DDX19A: variants seen among roughly 807,000 people sequenced by gnomAD.
DDX19A encodes DEAD-box helicase 19A, also known as ATP-dependent RNA helicase DDX19A.
In DDX19A, 12 loss-of-function variants were observed where a neutral mutation model predicts 60.6. The ratio of observed to expected loss-of-function variants is 0.20; its 90% CI spans 0.13 to 0.32. The LOEUF (loss-of-function observed/expected upper bound fraction) is 0.32. Ranked by LOEUF, DDX19A falls within the 10% of genes least tolerant of loss-of-function variation. The pLI is 1.00. For synonymous variants in DDX19A, 206 were observed against 218.2 expected, an observed-to-expected ratio of 0.94 and a Z score of 0.49; for missense variants, 337 against 600.6, an observed-to-expected ratio of 0.56 and a Z score of 4.59.
At chr16:70,371,138 C>G (rs1341932855) in intron 10 of DDX19A, 2 of 694,872 alleles carry the variant, frequency 2.9e-6, no homozygotes, top group Admixed American at 2.9e-5. Flanking sequence ...CATTGTGTCT[C>G]CCAGAGGATT....
At chr16:70,367,282 G>A (rs1372016060) in intron 9 of DDX19A, among the ~76,000 whole-genome samples, 1 of 151,958 alleles carries the variant, frequency 6.6e-6, no homozygotes, top group Admixed American at 6.6e-5. Context: ...CAAAAAATTA[G>A]CGCGGCGTGG....
intron 2 of DDX19A, among the ~76,000 whole-genome samples, chr16:70,350,813 G>A (rs1386176659): frequency 1.3e-5 from 2 of 151,944 alleles, no homozygotes; most frequent in East Asian, 3.8e-4. Context: ...CTATTGGATT[G>A]TACTGCTACT....
Position 70,366,677 on chromosome 16 carries a change from C to G in DDX19A, c.836C>G (p.Ser279Cys), listed in dbSNP as rs752865075. 2.5e-6 allele frequency: 4 copies of G among 1,614,236 alleles called. No homozygotes were observed. The highest frequency in any genetic ancestry group is 2.5e-6 in the Non-Finnish European group (3 of 1,180,052). The stretch of plus-strand genomic sequence containing the variant: ...CTTTTCTCCGCCACCTTTGAAGACT[C>G]TGTGTGGAAGTTTGCCCAGAAAGTG... ...MLLFSATFED[S>C]VWKFAQKVVP... The change falls in exon 9 of 12, where the codon TCT becomes TGT. Residue 279 changes from serine (S) to cysteine (C), a missense_variant. Ser to Cys is a moderately radical substitution (Grantham distance 112). This residue lies in a region of DDX19A where 117 missense variants were observed against 274.3 expected (regional missense o/e 0.43). Transcript: ENST00000302243.
At chr16:70,370,455 C>A in intron 10 of DDX19A, 70 bp downstream of exon 10, 3 of 1,566,342 alleles carry the variant, frequency 1.9e-6, no homozygotes, top group Non-Finnish European at 2.6e-6. Context: ...GCCAGAAATC[C>A]TTGTATACAG....
chr16:70,367,581 T>C (rs1182063301), intron 9 of DDX19A, among the ~76,000 whole-genome samples: 1 of 150,682 alleles, frequency 6.6e-6, no homozygotes, highest in Non-Finnish European at 1.5e-5. Context: ...AAAATGATTT[T>C]AGAATAAAAG....
At chr16:70,362,148 C>G (rs1964380343) in intron 5 of DDX19A, among the ~76,000 whole-genome samples, 1 of 149,016 alleles carries the variant, frequency 6.7e-6, no homozygotes, top group African/African-American at 2.5e-5. Context: ...GTACTCTAGC[C>G]TGGTGACAGC....
chr16:70,369,020 A>G (rs1182981134), intron 9 of DDX19A, among the ~76,000 whole-genome samples: 1 of 150,730 alleles, frequency 6.6e-6, no homozygotes, highest in East Asian at 2.0e-4. Flanking sequence ...GGCATGTGCC[A>G]CCACACCTGG....
intron 9 of DDX19A, among the ~76,000 whole-genome samples, chr16:70,368,563 G>T (rs889854056): frequency 6.6e-6 from 1 of 151,096 alleles, no homozygotes. Flanking sequence ...GAGCCACTGC[G>T]CCTGACGCCA....
chr16:70,357,445 C>T (rs1452979858), intron 4 of DDX19A, among the ~76,000 whole-genome samples: 3 of 111,598 alleles, frequency 2.7e-5, no homozygotes, highest in African/African-American at 6.9e-5. Flanking sequence ...AGTGCAGTGG[C>T]GTGATCTCAG....
chr16:70,349,376 A>G (rs1963944529), intron 1 of DDX19A, among the ~76,000 whole-genome samples: 1 of 152,180 alleles, frequency 6.6e-6, no homozygotes, highest in African/African-American at 2.4e-5. Context: ...TCCAGAAGGA[A>G]TGCAGGTGGT....
intron 1 of DDX19A, chr16:70,347,307 T>A (rs1408001252): frequency 1.1e-5 from 6 of 531,202 alleles, no homozygotes; most frequent in Middle Eastern, 3.5e-4. Context: ...TCTATTGACC[T>A]CCTCGGTGAC....
At chr16:70,362,997 G>T (rs558527104) in intron 5 of DDX19A, among the ~76,000 whole-genome samples, 12 of 144,896 alleles carry the variant, frequency 8.3e-5, no homozygotes, top group African/African-American at 2.8e-4. Context: ...CTGGGCGACA[G>T]AGTAAGACTC....
rs753966262 is a variant in DDX19A at position 70,366,582 on chromosome 16, C to G, written c.783-42C>G. ...GGGGAGGCTGTGCTTCCGTTGCTTCCCAGGGCCACCTGGGGCCATCTACCC... is the reference window on the plus strand; with the variant it reads ...GGGGAGGCTGTGCTTCCGTTGCTTCGCAGGGCCACCTGGGGCCATCTACCC... On this transcript the variant is annotated intron_variant, in intron 8 of 11. Coordinates refer to ENST00000302243, the MANE Select transcript of DDX19A (RefSeq NM_018332.5). The G allele has an allele frequency of 9.3e-6, 15 of 1,611,922 alleles. No individual in the cohort carries two copies. In the African/African-American group the frequency reaches 1.5e-4, roughly 16 times the overall value.
At chr16:70,365,168 G>T in intron 7 of DDX19A, 37 bp downstream of exon 7, 2 of 1,442,936 alleles carry the variant, frequency 1.4e-6, no homozygotes, top group Admixed American at 1.7e-5. Context: ...AGTGAGCAGG[G>T]TAGGGGGTTG....
At chr16:70,370,675 G>T in intron 10 of DDX19A, 1 of 305,856 alleles carries the variant, frequency 3.3e-6, no homozygotes, top group Non-Finnish European at 6.0e-6. Flanking sequence ...CATCCTGGGT[G>T]ACAGAGTGAG....
At chr16:70,364,930 A>G (rs1567655489) in intron 6 of DDX19A, 87 bp from the exon 7 acceptor site, 1 of 986,572 alleles carries the variant, frequency 1.0e-6, no homozygotes, top group Non-Finnish European at 1.6e-6. Flanking sequence ...GTGCTATTCA[A>G]GTGCTAATAA....
At chr16:70,350,852 T>A (rs553830273) in intron 2 of DDX19A, among the ~76,000 whole-genome samples, 60 of 35,180 alleles carry the variant, frequency 1.7e-3, no homozygotes, top group East Asian at 0.01. Context: ...TGGCAAATTA[T>A]TTATTTATTT....
intron 5 of DDX19A, chr16:70,363,602 T>G (rs745522957): frequency 5.9e-5 from 9 of 152,214 alleles, no homozygotes; most frequent in South Asian, 2.1e-4. Context: ...CCCAAAGTGC[T>G]GGGATTACAG....
At position 70,361,504 on chromosome 16, in the gene DDX19A, C is replaced by T; in HGVS notation, c.380C>T (p.Ala127Val). Residue 127 changes from alanine (A) to valine (V), a missense_variant, in exon 5 of 12, where the codon GCT (alanine) becomes GTT (valine). Transcript: ENST00000302243. The part of the protein sequence containing the change: ...IQENALPMML[A>V]EPPQNLIAQS... ...GAGAACGCATTACCCATGATGCTTG[C>T]TGAACCGTGAGTATGCAGATGAAGC... The T allele has an allele frequency of 6.2e-7, 1 of 1,610,244 alleles. No individual in the cohort carries two copies. Among genetic ancestry groups the T allele is most frequent in the East Asian group, 2.2e-5 (1 of 44,864 alleles).
Sources: allele counts gnomAD v4.1 joint callset (sites outside exome capture counted in the v4.1 genomes callset), GRCh38; gene constraint gnomAD v4.1.1; regional missense constraint gnomAD v4.1.1; transcripts MANE v1.5; gene names NCBI Gene and HGNC (gene_info 2026-07-23, HGNC 2026-07-21).